The following PLCB1 variants were observed in gnomAD, a reference collection of about 807,000 sequenced individuals.
The protein encoded by PLCB1 is 1-phosphatidylinositol 4,5-bisphosphate phosphodiesterase beta-1.
PLCB1 carries 46 observed loss-of-function variants against 161.8 expected under a neutral mutation model. The observed-to-expected ratio is 0.28, with a 90% confidence interval of 0.22 to 0.36. PLCB1 has a LOEUF of 0.36. Among genes scored for constraint, PLCB1 ranks in the 10% least tolerant of loss-of-function variants. PLCB1 has a pLI of 1.00. For synonymous variants in PLCB1, 517 were observed against 503.7 expected (o/e 1.03, Z -0.35); for missense variants, 1,016 against 1,472.5 (o/e 0.69, Z 5.07).
intron 3 of PLCB1, among the ~76,000 whole-genome samples, chr20:8,568,953 C>CT (rs1377468077): frequency 2.0e-5 from 3 of 152,206 alleles, no homozygotes; most frequent in Non-Finnish European, 4.4e-5. Flanking sequence ...GCTAATCCCA[C>CT]TGGAGTATTG....
intron 31 of PLCB1, among the ~76,000 whole-genome samples, chr20:8,799,786 C>T (rs1461008520): frequency 1.3e-5 from 2 of 152,148 alleles, no homozygotes; most frequent in African/African-American, 4.8e-5. Context: ...CTTTATATAA[C>T]ATTGTATAGT....
chr20:8,732,574 A>C (rs956805636), intron 18 of PLCB1, among the ~76,000 whole-genome samples: 1 of 146,856 alleles, frequency 6.8e-6, no homozygotes, highest in Non-Finnish European at 1.5e-5. Context: ...TAGATATTAT[A>C]TTCTAATATA....
intron 2 of PLCB1, among the ~76,000 whole-genome samples, chr20:8,300,287 GAAACA>G (rs1454935454): frequency 1.3e-5 from 2 of 152,168 alleles, no homozygotes; most frequent in Non-Finnish European, 2.9e-5. Flanking sequence ...TCCATTGGCG[GAAACA>G]AATCACATTT....
intron 18 of PLCB1, 80 bp downstream of exon 18, chr20:8,729,254 G>A (rs1388730516): frequency 1.6e-6 from 2 of 1,282,130 alleles, no homozygotes; most frequent in Admixed American, 2.6e-5. Context: ...AATTGGGGGA[G>A]AGAAAATTGC....
At chr20:8,387,977 TAAAAAAAAAA>T (rs1555802977) in intron 3 of PLCB1, among the ~76,000 whole-genome samples, 5 of 126,800 alleles carry the variant, frequency 3.9e-5, no homozygotes, top group South Asian at 2.5e-4. Flanking sequence ...CCACTTTTTT[TAAAAAAAAAA>T]AAAAAAAAAA....
At chr20:8,293,104 TAA>T (rs527634082) in intron 2 of PLCB1, among the ~76,000 whole-genome samples, 1 of 151,952 alleles carries the variant, frequency 6.6e-6, no homozygotes, top group Non-Finnish European at 1.5e-5. Flanking sequence ...ACTGATCTCT[TAA>T]AAAAAAGTCT....
In PLCB1 at chr20:8,882,562, C is replaced by G. The variant is rs1013863518; in HGVS notation, c.*713C>G. ...TGTACATTTGGCTGCATGAGCAAGT[C>G]GGCCGCACACTTCCAGACAGTGTGC... On this transcript the variant is annotated 3_prime_UTR_variant, in exon 32 of 32. Coordinates refer to ENST00000338037, the MANE Select transcript of PLCB1 (RefSeq NM_015192.4). 1 of 152,706 alleles carries G rather than the reference C, an allele frequency of 6.5e-6. No individual in the cohort carries two copies. The highest frequency in any genetic ancestry group is 2.4e-5 in the African/African-American group (1 of 41,440). The allele number at this position is 152,706 out of a possible 1,614,324, so 9.5% of individuals were successfully genotyped here.
intron 31 of PLCB1, among the ~76,000 whole-genome samples, chr20:8,856,648 C>CA (rs1291881182): frequency 2.0e-5 from 3 of 151,908 alleles, no homozygotes; most frequent in African/African-American, 7.3e-5. Context: ...GAGCCAGACA[C>CA]AAAAAAGTAT....
At chr20:8,510,411 G>T in intron 3 of PLCB1, among the ~76,000 whole-genome samples, 1 of 121,006 alleles carries the variant, frequency 8.3e-6, no homozygotes. Flanking sequence ...TTAAGATGGA[G>T]TTTCACTCTT....
In PLCB1 at chr20:8,863,247, C is replaced by T. The variant is rs113568911; in HGVS notation, c.3424-18375C>T. Among the ~76,000 whole-genome samples, 35 of 152,254 alleles carry T rather than the reference C, an allele frequency of 2.3e-4. 1 individual carries two copies. The highest frequency in any genetic ancestry group is 8.2e-4 in the African/African-American group (34 of 41,530). ...GCCAAGATTATAATGCTAGAGTCTC[C>T]ATAATTCAAATTTCAGTGGCATTAA... On this transcript the variant is annotated intron_variant, in intron 31 of 31. Transcript: ENST00000338037.
chr20:8,532,997 A>G (rs1414363086), intron 3 of PLCB1, among the ~76,000 whole-genome samples: 1 of 150,826 alleles, frequency 6.6e-6, no homozygotes, highest in Non-Finnish European at 1.5e-5. Context: ...ATATCTCCTA[A>G]TGCTATCCCT....
At chr20:8,290,652 TG>T (rs1015712453) in intron 2 of PLCB1, among the ~76,000 whole-genome samples, 2 of 152,142 alleles carry the variant, frequency 1.3e-5, no homozygotes, top group Non-Finnish European at 2.9e-5. Flanking sequence ...GAATAATAAA[TG>T]GCAAGGGGAT....
At chr20:8,629,963 CTTCTTTCTTTCTTTCT>C (rs201039269) in intron 4 of PLCB1, among the ~76,000 whole-genome samples, 22,372 of 110,872 alleles carry the variant, frequency 0.2, 2,421 homozygotes, top group Non-Finnish European at 0.24. Flanking sequence ...TTCTTTCTTT[CTTCTTTCTTTCTTTCT>C]TTCTTTCTTT....
rs145539297 is a variant in PLCB1 at position 8,734,940 on chromosome 20, C to T, written c.2043+1548C>T. On this transcript the variant is annotated intron_variant, in intron 19 of 31. Coordinates refer to ENST00000338037, the MANE Select transcript of PLCB1 (RefSeq NM_015192.4). ...GAGCACATTTTTACCTTAAAACTTT[C>T]GTCACTTTATATCAAGGGTTTAAAG... Among the ~76,000 whole-genome samples, 225 of 152,272 alleles carry T rather than the reference C, an allele frequency of 1.5e-3. 1 individual carries two copies. The highest frequency in any genetic ancestry group is 5.2e-3 in the African/African-American group (216 of 41,564).
At chr20:8,813,724 A>C (rs1311545596) in intron 31 of PLCB1, among the ~76,000 whole-genome samples, 1 of 152,136 alleles carries the variant, frequency 6.6e-6, no homozygotes, top group Admixed American at 6.6e-5. Flanking sequence ...CCAGCTACTG[A>C]GGAGGCTGAG....
intron 3 of PLCB1, among the ~76,000 whole-genome samples, chr20:8,472,174 C>T (rs1177292091): frequency 6.6e-6 from 1 of 152,104 alleles, no homozygotes; most frequent in Non-Finnish European, 1.5e-5. Flanking sequence ...ATTTTTGTTT[C>T]AAGGCAAATT....
chr20:8,344,804 C>T (rs1485716076), intron 2 of PLCB1, among the ~76,000 whole-genome samples: 1 of 152,146 alleles, frequency 6.6e-6, no homozygotes, highest in Non-Finnish European at 1.5e-5. Flanking sequence ...GTCTGGTTTT[C>T]AAAGGAAAGT....
At chr20:8,454,650 T>TA (rs1478520652) in intron 3 of PLCB1, among the ~76,000 whole-genome samples, 1 of 152,186 alleles carries the variant, frequency 6.6e-6, no homozygotes, top group Non-Finnish European at 1.5e-5. Flanking sequence ...CTGCCACTCT[T>TA]ACGTCTGTAA....
chr20:8,357,632 C>T (rs1986401844), intron 2 of PLCB1, among the ~76,000 whole-genome samples: 1 of 151,266 alleles, frequency 6.6e-6, no homozygotes, highest in Non-Finnish European at 1.5e-5. Flanking sequence ...GCCTGAGCAA[C>T]ATAGTGAGAC....
Sources: gnomAD v4.1 joint callset for allele counts (sites outside exome capture counted in the v4.1 genomes callset) on GRCh38, gnomAD v4.1.1 for gene constraint, MANE v1.5 for transcripts, NCBI Gene and HGNC (gene_info 2026-07-23, HGNC 2026-07-21) for gene names.